VRK2: variants seen among roughly 807,000 people sequenced by gnomAD.
VRK2 encodes the protein VRK serine/threonine kinase 2.
A neutral mutation model predicts 57.6 loss-of-function variants in VRK2; 60 were observed. That is an observed-to-expected ratio of 1.04 (90% CI 0.85 to 1.29). The LOEUF (loss-of-function observed/expected upper bound fraction) is 1.29. Ranked by LOEUF, VRK2 falls within the 50% of genes most tolerant of loss-of-function variation. The pLI is 0.00. For missense variants in VRK2, 705 were observed against 588.1 expected, an observed-to-expected ratio of 1.20 and a Z score of -2.06; for synonymous variants, 231 against 199.2, an observed-to-expected ratio of 1.16 and a Z score of -1.35.
chr2:58,050,472 T>TTGAATCAAGTGTTGAATCAAG (rs1332673611), intron 2 of VRK2, among the ~76,000 whole-genome samples: 1 of 152,172 alleles, frequency 6.6e-6, no homozygotes, highest in Non-Finnish European at 1.5e-5. Context: ...TGACTCAAGG[T>TTGAATCAAGTGTTGAATCAAG]TGAGATATAG....
chr2:57,950,891 A>G (rs1329942035), intron 1 of VRK2, among the ~76,000 whole-genome samples: 1 of 152,140 alleles, frequency 6.6e-6, no homozygotes, highest in East Asian at 1.9e-4. Context: ...CAGGAGATCA[A>G]GACCATCCTG....
At chr2:57,988,095 C>CT in intron 1 of VRK2, among the ~76,000 whole-genome samples, 1 of 152,000 alleles carries the variant, frequency 6.6e-6, no homozygotes, top group East Asian at 1.9e-4. Flanking sequence ...GGTTACACAA[C>CT]TGTACATATC....
At chr2:58,079,069 G>A (rs1670510822) in intron 2 of VRK2, among the ~76,000 whole-genome samples, 1 of 152,094 alleles carries the variant, frequency 6.6e-6, no homozygotes, top group Admixed American at 6.6e-5. Flanking sequence ...TTTGCAAAGA[G>A]GTTGACACTT....
At chr2:58,024,171 A>C (rs1673852652) in intron 1 of VRK2, among the ~76,000 whole-genome samples, 1 of 152,044 alleles carries the variant, frequency 6.6e-6, no homozygotes, top group African/African-American at 2.4e-5. Context: ...AAAAGTACAA[A>C]AAATATTTTT....
chr2:58,138,031 G>T (rs529515159), intron 10 of VRK2, among the ~76,000 whole-genome samples: 3 of 152,230 alleles, frequency 2.0e-5, no homozygotes, highest in African/African-American at 7.2e-5. Context: ...AGGCTTTGCA[G>T]CACAGCTGCT....
At chr2:58,039,906 T>A (rs1372363265) in intron 3 of VRK2, among the ~76,000 whole-genome samples, 1 of 150,382 alleles carries the variant, frequency 6.6e-6, no homozygotes, top group Non-Finnish European at 1.5e-5. Flanking sequence ...TTTATTTATT[T>A]TTTATTTTTA....
chr2:58,124,386 T>A (rs1400222587), intron 8 of VRK2, among the ~76,000 whole-genome samples: 1 of 152,208 alleles, frequency 6.6e-6, no homozygotes, highest in Non-Finnish European at 1.5e-5. Context: ...TCAATTCTAA[T>A]GTTATGCTAG....
At chr2:58,080,930 T>C (rs1670775517) in intron 2 of VRK2, among the ~76,000 whole-genome samples, 1 of 151,962 alleles carries the variant, frequency 6.6e-6, no homozygotes, top group South Asian at 2.1e-4. Flanking sequence ...GAATTGTTAC[T>C]TCCTCTTGTG....
At chr2:58,126,361 C>G (rs1353354709) in intron 8 of VRK2, among the ~76,000 whole-genome samples, 1 of 152,060 alleles carries the variant, frequency 6.6e-6, no homozygotes, top group African/African-American at 2.4e-5. Context: ...TTTAAAAACT[C>G]AAGCTAAATC....
At chr2:57,939,770 T>C (rs1279024904) in intron 1 of VRK2, among the ~76,000 whole-genome samples, 1 of 152,212 alleles carries the variant, frequency 6.6e-6, no homozygotes, top group African/African-American at 2.4e-5. Context: ...ATTTTTCTGT[T>C]TACACTTGCT....
chr2:58,148,849 A>C (rs971384425), intron 12 of VRK2, among the ~76,000 whole-genome samples: 5 of 151,740 alleles, frequency 3.3e-5, no homozygotes, highest in African/African-American at 9.7e-5. Context: ...ATTTTCTTCT[A>C]TTCTACTTGT....
At chr2:58,064,127 T>C (rs1158643731) in intron 2 of VRK2, among the ~76,000 whole-genome samples, 1 of 152,098 alleles carries the variant, frequency 6.6e-6, no homozygotes, top group East Asian at 1.9e-4. Flanking sequence ...TCTATCCTGG[T>C]AAAGATGCCA....
At chr2:58,035,369 T>C (rs1250665478) in intron 3 of VRK2, among the ~76,000 whole-genome samples, 1 of 152,014 alleles carries the variant, frequency 6.6e-6, no homozygotes, top group Non-Finnish European at 1.5e-5. Context: ...TTACTCTCTG[T>C]TTCGCCTTTT....
chr2:58,003,656 G>A (rs1673155819), intron 1 of VRK2, among the ~76,000 whole-genome samples: 1 of 151,920 alleles, frequency 6.6e-6, no homozygotes, highest in African/African-American at 2.4e-5. Flanking sequence ...ACCTTTTCTG[G>A]CAATTTTAGC....
At chr2:58,126,760 TA>T (rs1346810301) in intron 8 of VRK2, among the ~76,000 whole-genome samples, 2 of 152,118 alleles carry the variant, frequency 1.3e-5, no homozygotes, top group East Asian at 3.8e-4. Context: ...TTATTCTTTA[TA>T]AAAACTAACA....
At chr2:58,063,866 CA>C (rs1558584799) in intron 2 of VRK2, among the ~76,000 whole-genome samples, 1 of 152,078 alleles carries the variant, frequency 6.6e-6, no homozygotes, top group Non-Finnish European at 1.5e-5. Flanking sequence ...ATTCATGATT[CA>C]GGGAAGGAGA....
At chr2:58,093,469 G>T (rs1277872508) in intron 7 of VRK2, among the ~76,000 whole-genome samples, 2 of 152,206 alleles carry the variant, frequency 1.3e-5, no homozygotes, top group South Asian at 2.1e-4. Context: ...CTTCTTTTGA[G>T]AAGTGTCTGT....
At chr2:57,945,741 C>A (rs892502748) in intron 1 of VRK2, among the ~76,000 whole-genome samples, 3 of 152,042 alleles carry the variant, frequency 2.0e-5, no homozygotes, top group African/African-American at 7.2e-5. Flanking sequence ...AAGCTCTTGG[C>A]AATGGGCAGG....
intron 1 of VRK2, among the ~76,000 whole-genome samples, chr2:57,975,235 T>C (rs1265695311): frequency 3.3e-5 from 5 of 152,134 alleles, no homozygotes; most frequent in African/African-American, 1.2e-4. Flanking sequence ...AAGGTATTCA[T>C]ATCAGTGACT....
Sources: allele counts gnomAD v4.1 joint callset (sites outside exome capture counted in the v4.1 genomes callset), GRCh38; gene constraint gnomAD v4.1.1; transcripts MANE v1.5; gene names NCBI Gene and HGNC (gene_info 2026-07-23, HGNC 2026-07-21).